PCDHGA1: variants seen among roughly 807,000 people sequenced by gnomAD.
The protein encoded by PCDHGA1 is protocadherin gamma subfamily A, 1, also known as protocadherin gamma-A1.
In PCDHGA1, 32 loss-of-function variants were observed where a neutral mutation model predicts 58.0. The observed-to-expected ratio is 0.55, with a 90% CI of 0.42 to 0.74. PCDHGA1 has a LOEUF of 0.74. PCDHGA1 is among the 30% of genes least tolerant of loss of function. The probability of loss-of-function intolerance (pLI) is 0.00; values close to 1 mark genes in which losing one functional copy is unlikely to be tolerated. For synonymous variants in PCDHGA1, 498 were observed against 501.1 expected (o/e 0.99, Z 0.08); for missense variants, 1,205 against 1,182.3 (o/e 1.02, Z -0.28).
intron 1 of PCDHGA1, chr5:141,423,473 C>A: frequency 6.2e-7 from 1 of 1,614,010 alleles, no homozygotes; most frequent in Non-Finnish European, 8.5e-7. Flanking sequence ...GGGGTACAGG[C>A]TTTCCTGCAA....
intron 1 of PCDHGA1, chr5:141,374,823 A>G (rs1770865404): frequency 1.2e-6 from 2 of 1,613,952 alleles, no homozygotes; most frequent in African/African-American, 1.3e-5. Context: ...CAGCCTGTCT[A>G]CCGTGTAAGT....
rs765661515 is a variant in PCDHGA1 at position 141,398,665 on chromosome 5, T to C, written c.2421+65560T>C. The stretch of plus-strand genomic sequence containing the variant: ...ACTCTCTCTTAACCCAAGTTTCTCA[T>C]TAATAATTAAGGAGAAACAGGATGG... On this transcript the variant is annotated intron_variant, in intron 1 of 3. Transcript: ENST00000517417. 1.9e-6 allele frequency: 3 copies of C among 1,614,002 alleles called. No homozygotes were observed. In the South Asian group the frequency reaches 3.3e-5, roughly 18 times the overall value.
At chr5:141,376,294 C>A in intron 1 of PCDHGA1, 4 of 1,614,226 alleles carry the variant, frequency 2.5e-6, no homozygotes, top group Non-Finnish European at 3.4e-6. Flanking sequence ...GCATGCCCGG[C>A]TCGCACTTTG....
intron 1 of PCDHGA1, chr5:141,344,463 GAACT>G: frequency 6.2e-7 from 1 of 1,613,882 alleles, no homozygotes; most frequent in South Asian, 1.1e-5. Flanking sequence ...AAAAATTGGT[GAACT>G]AACGGTTCCT....
chr5:141,374,029 A>C (rs1460112886), intron 1 of PCDHGA1: 3 of 1,428,780 alleles, frequency 2.1e-6, no homozygotes. Flanking sequence ...AGCAAAAGTG[A>C]TGCAGATCTG....
intron 1 of PCDHGA1, chr5:141,405,186 G>A (rs762537440): frequency 6.2e-6 from 10 of 1,612,892 alleles, no homozygotes; most frequent in Non-Finnish European, 8.5e-6. Context: ...GGTGTAGATG[G>A]GGTTCGAGCT....
chr5:141,333,299 A>C (rs1756458236), intron 1 of PCDHGA1, 194 bp downstream of exon 1: 1 of 846,006 alleles, frequency 1.2e-6, no homozygotes, highest in Admixed American at 2.9e-5. Context: ...TCTTGCACTG[A>C]AAAGGAGACT....
At chr5:141,382,654 A>G in intron 1 of PCDHGA1, 1 of 413,618 alleles carries the variant, frequency 2.4e-6, no homozygotes, top group Non-Finnish European at 4.3e-6. Flanking sequence ...CTTAGTAAGG[A>G]CTCACAGCGC....
At chr5:141,497,768 G>A (rs920949258) in intron 2 of PCDHGA1, among the ~76,000 whole-genome samples, 8 of 152,070 alleles carry the variant, frequency 5.3e-5, no homozygotes, top group East Asian at 1.9e-4. Flanking sequence ...CAAACTCCCC[G>A]ACCTCAACTG....
At chr5:141,353,118 T>G (rs1281945055) in intron 1 of PCDHGA1, among the ~76,000 whole-genome samples, 2 of 152,234 alleles carry the variant, frequency 1.3e-5, no homozygotes, top group Admixed American at 6.5e-5. Flanking sequence ...GAGATTGCTT[T>G]CTTGATTGCT....
rs748017565 is a variant in PCDHGA1 at position 141,477,404 on chromosome 5, C to G, written c.2422-17403C>G. ...AGAATACAACCTCAGCATCACCGCCCGAGACGCCGGAACCCCTTCCCTCTC... is the reference window on the plus strand; with the variant it reads ...AGAATACAACCTCAGCATCACCGCCGGAGACGCCGGAACCCCTTCCCTCTC... On this transcript the variant is annotated intron_variant, in intron 1 of 3. Coordinates refer to ENST00000517417, the MANE Select transcript of PCDHGA1 (RefSeq NM_018912.3). The surrounding 1 kb of genome is among the most constrained non-coding windows in gnomAD (Gnocchi z 4.9). The G allele has an allele frequency of 1.9e-6, 3 of 1,614,042 alleles. No homozygotes were observed. Among genetic ancestry groups the G allele is most frequent in the African/African-American group, 1.3e-5 (1 of 74,902 alleles).
At chr5:141,442,737 G>A (rs1376026431) in intron 1 of PCDHGA1, among the ~76,000 whole-genome samples, 1 of 152,152 alleles carries the variant, frequency 6.6e-6, no homozygotes, top group Non-Finnish European at 1.5e-5. Flanking sequence ...CTGTAGGTAA[G>A]GAGCATGTTT....
chr5:141,374,561 C>A, intron 1 of PCDHGA1: 1 of 1,613,628 alleles, frequency 6.2e-7, no homozygotes. Context: ...GGTCTATGAC[C>A]CTGATGTGGG....
Position 141,331,256 on chromosome 5 carries a change from A to T in PCDHGA1, c.572A>T (p.His191Leu), listed in dbSNP as rs1756348238. ...DVQQGADGPQHPEMVLQSPLD... is the reference protein window; with the variant it reads ...DVQQGADGPQLPEMVLQSPLD... ...CAACAGGGAGCCGATGGGCCTCAAC[A>T]TCCAGAGATGGTGCTGCAGAGTCCC... The change falls in exon 1 of 4, where the codon CAT becomes CTT. Residue 191 changes from histidine (H) to leucine (L), a missense_variant. Physicochemically the swap from His to Leu is moderately conservative, Grantham distance 99. Coordinates refer to ENST00000517417, the MANE Select transcript of PCDHGA1 (RefSeq NM_018912.3). 6.2e-7 allele frequency: 1 copy of T among 1,614,014 alleles called. No homozygotes were observed. Among genetic ancestry groups the T allele is most frequent in the Admixed American group, 1.7e-5 (1 of 59,998 alleles).
intron 1 of PCDHGA1, chr5:141,346,201 G>T (rs1282947071): frequency 1.9e-6 from 3 of 1,614,116 alleles, no homozygotes; most frequent in Non-Finnish European, 2.5e-6. Flanking sequence ...CACAAGTCAC[G>T]CCTGCTGCAG....
chr5:141,411,924 C>G lies in PCDHGA1; in HGVS notation c.2421+78819C>G, dbSNP rs116336964. ...TTGCCTTTGCACTCAGTCTCTGTCTCTGATTCTCTGATAGAAGATTTTTGA... is the reference window on the plus strand; with the variant it reads ...TTGCCTTTGCACTCAGTCTCTGTCTGTGATTCTCTGATAGAAGATTTTTGA... On this transcript the variant is annotated intron_variant, in intron 1 of 3. Coordinates refer to ENST00000517417, the MANE Select transcript of PCDHGA1 (RefSeq NM_018912.3). The G allele has an allele frequency of 5.8e-4, 88 of 152,306 alleles. 1 individual carries two copies. Among genetic ancestry groups the G allele is most frequent in the African/African-American group, 2.0e-3 (83 of 41,556 alleles). 9.4% of individuals were successfully genotyped at this position (152,306 alleles called of 1,614,324 possible). A position where few individuals can be genotyped will look rare whatever the true frequency, so the allele number is the denominator to read the frequency against.
chr5:141,343,794 A>C, intron 1 of PCDHGA1: 1 of 439,262 alleles, frequency 2.3e-6, no homozygotes, highest in Non-Finnish European at 4.0e-6. Context: ...GCTGTTGACC[A>C]CTCAAGAAGG....
intron 1 of PCDHGA1, chr5:141,426,995 C>A (rs772977735): frequency 2.2e-6 from 1 of 456,694 alleles, no homozygotes; most frequent in South Asian, 1.5e-5. Context: ...ACGATAATGC[C>A]CCAGTTTTTA....
intron 1 of PCDHGA1, chr5:141,419,158 C>G (rs757849297): frequency 6.2e-7 from 1 of 1,613,950 alleles, no homozygotes; most frequent in South Asian, 1.1e-5. Context: ...CTCCGTTATC[C>G]TCCAGCAAAA....
Sources: allele counts gnomAD v4.1 joint callset (sites outside exome capture counted in the v4.1 genomes callset), GRCh38; gene constraint gnomAD v4.1.1; non-coding constraint Gnocchi (gnomAD v3.1); transcripts MANE v1.5; gene names NCBI Gene and HGNC (gene_info 2026-07-23, HGNC 2026-07-21).